The following PPP1R9A variants were observed in gnomAD, a reference collection of about 807,000 sequenced individuals.
PPP1R9A encodes protein phosphatase 1 regulatory subunit 9A.
In PPP1R9A, 59 loss-of-function variants were observed where a neutral mutation model predicts 141.9. The observed-to-expected ratio is 0.42, with a 90% CI of 0.34 to 0.52. PPP1R9A has a LOEUF of 0.52. Ranked by LOEUF, PPP1R9A falls within the 20% of genes least tolerant of loss-of-function variation. The probability of loss-of-function intolerance (pLI) is 0.10; values close to 1 mark genes in which losing one functional copy is unlikely to be tolerated. For synonymous variants in PPP1R9A, 500 were observed against 569.7 expected (o/e 0.88, Z 1.74); for missense variants, 1,444 against 1,611.9 (o/e 0.90, Z 1.78).
chr7:95,192,485 A>T (rs1835651940), intron 5 of PPP1R9A, among the ~76,000 whole-genome samples: 1 of 152,096 alleles, frequency 6.6e-6, no homozygotes, highest in African/African-American at 2.4e-5. Context: ...CCAAAGTTTC[A>T]GAACAGTCTA....
intron 12 of PPP1R9A, among the ~76,000 whole-genome samples, chr7:95,268,023 A>C (rs1331029887): frequency 6.6e-6 from 1 of 152,138 alleles, no homozygotes; most frequent in Non-Finnish European, 1.5e-5. Context: ...GATTTTCAGA[A>C]ACTGTTTTGG....
chr7:95,006,863 A>AT (rs1215381838), intron 2 of PPP1R9A, among the ~76,000 whole-genome samples: 1,869 of 143,506 alleles, frequency 0.013, 26 homozygotes, highest in African/African-American at 0.04. Context: ...GGCCATAATA[A>AT]TTTTTTTTTT....
At position 95,034,415 on chromosome 7, in the gene PPP1R9A, G is replaced by A. The variant is rs149425458; in HGVS notation, c.1396-76844G>A. Among the ~76,000 whole-genome samples, 297 of 152,012 alleles carry A rather than the reference G, an allele frequency of 2.0e-3. 1 individual carries two copies. Among genetic ancestry groups the A allele is most frequent in the African/African-American group, 6.8e-3 (283 of 41,464 alleles). ...TTAAGGTGTAAATTTCTCACACATC[G>A]TGTTTTGTCCTTTGTTTCTTTTTTG... On this transcript the variant is annotated intron_variant, in intron 2 of 19. Coordinates refer to ENST00000433360, the MANE Select transcript of PPP1R9A (RefSeq NM_001166160.2).
At chr7:94,972,815 G>A (rs1237976645) in intron 2 of PPP1R9A, among the ~76,000 whole-genome samples, 1 of 152,202 alleles carries the variant, frequency 6.6e-6, no homozygotes, top group Non-Finnish European at 1.5e-5. Context: ...GCCAAGTCAT[G>A]GGACCTGGTA....
chr7:95,246,508 A>C (rs1198801234), intron 8 of PPP1R9A, among the ~76,000 whole-genome samples: 2 of 152,146 alleles, frequency 1.3e-5, no homozygotes, highest in African/African-American at 4.8e-5. Flanking sequence ...CTTAGTGGGA[A>C]TATTCATGTT....
rs1806748213 is a variant in PPP1R9A, at chr7:95,294,162, TC to T, written c.*3861del. The T allele has an allele frequency of 6.6e-6, 1 of 152,156 alleles. No individual in the cohort carries two copies. The highest frequency in any genetic ancestry group is 6.5e-5 in the Admixed American group (1 of 15,280). The allele number at this position is 152,156 out of a possible 1,614,324, so 9.4% of individuals were successfully genotyped here. ...GGTAAAATGGAAGAGAAAAGCACAGTCCTTTCCTGTCTTTTCAAATTTACTT... is the reference window on the plus strand; with the variant it reads ...GGTAAAATGGAAGAGAAAAGCACAGTCTTTCCTGTCTTTTCAAATTTACTT... On this transcript the variant is annotated 3_prime_UTR_variant, in exon 20 of 20. Coordinates refer to ENST00000433360, the MANE Select transcript of PPP1R9A (RefSeq NM_001166160.2).
chr7:95,082,825 G>A (rs1423802025), intron 2 of PPP1R9A, among the ~76,000 whole-genome samples: 1 of 139,762 alleles, frequency 7.2e-6, no homozygotes, highest in Non-Finnish European at 1.5e-5. Context: ...AGGCGAACTC[G>A]GCTCACTGCA....
intron 12 of PPP1R9A, among the ~76,000 whole-genome samples, chr7:95,260,572 G>C (rs964397275): frequency 1.3e-5 from 2 of 151,794 alleles, no homozygotes; most frequent in Non-Finnish European, 2.9e-5. Context: ...CCAGCTACTC[G>C]GGAGGCTGAG....
At chr7:95,162,721 T>A (rs544419582) in intron 5 of PPP1R9A, among the ~76,000 whole-genome samples, 1 of 152,340 alleles carries the variant, frequency 6.6e-6, no homozygotes, top group Admixed American at 6.5e-5. Context: ...GTTCTCATTA[T>A]CAAAATGAAA....
At chr7:95,210,371 A>G (rs967396005) in intron 7 of PPP1R9A, among the ~76,000 whole-genome samples, 1 of 151,872 alleles carries the variant, frequency 6.6e-6, no homozygotes, top group Non-Finnish European at 1.5e-5. Flanking sequence ...TTAATTTGAT[A>G]TTTCTGGTTT....
At chr7:95,190,632 A>T (rs1835359992) in intron 5 of PPP1R9A, among the ~76,000 whole-genome samples, 1 of 152,192 alleles carries the variant, frequency 6.6e-6, no homozygotes, top group South Asian at 2.1e-4. Flanking sequence ...GAGTTGCTGT[A>T]ATGTCCTAAG....
chr7:94,933,219 T>G (rs139413068), intron 2 of PPP1R9A, among the ~76,000 whole-genome samples: 317 of 152,292 alleles, frequency 2.1e-3, no homozygotes, highest in African/African-American at 7.4e-3. Flanking sequence ...ATGATTCCAC[T>G]TGAAATGTGC....
intron 2 of PPP1R9A, among the ~76,000 whole-genome samples, chr7:94,977,423 A>C (rs1563072507): frequency 6.6e-6 from 1 of 152,110 alleles, no homozygotes; most frequent in Non-Finnish European, 1.5e-5. Context: ...TTTCAAGAAA[A>C]TGGGGTGATC....
At chr7:95,079,413 C>T (rs928339145) in intron 2 of PPP1R9A, among the ~76,000 whole-genome samples, 33 of 152,188 alleles carry the variant, frequency 2.2e-4, no homozygotes, top group African/African-American at 7.7e-4. Flanking sequence ...TCTGAATAGA[C>T]CAATAACAGG....
At chr7:95,197,284 A>C (rs2152853022) in intron 5 of PPP1R9A, among the ~76,000 whole-genome samples, 1 of 152,324 alleles carries the variant, frequency 6.6e-6, no homozygotes, top group South Asian at 2.1e-4. Context: ...TATTTTTAGA[A>C]AAACAGAAAC....
intron 10 of PPP1R9A, among the ~76,000 whole-genome samples, chr7:95,251,346 G>A (rs1798847223): frequency 6.6e-6 from 1 of 152,072 alleles, no homozygotes; most frequent in African/African-American, 2.4e-5. Context: ...GTTATTCATA[G>A]AAATCTTACA....
chr7:95,006,257 G>C (rs2151569675), intron 2 of PPP1R9A, among the ~76,000 whole-genome samples: 1 of 150,818 alleles, frequency 6.6e-6, no homozygotes, highest in East Asian at 1.9e-4. Flanking sequence ...TCACTCTTTT[G>C]CCCAGGCTGG....
At chr7:94,920,870 G>T (rs1336277834) in intron 2 of PPP1R9A, among the ~76,000 whole-genome samples, 2 of 152,158 alleles carry the variant, frequency 1.3e-5, no homozygotes, top group African/African-American at 4.8e-5. Context: ...TGAGTGACCT[G>T]CATGTTGAGT....
chr7:95,083,001 C>T (rs546724701), intron 2 of PPP1R9A, among the ~76,000 whole-genome samples: 33 of 151,776 alleles, frequency 2.2e-4, no homozygotes, highest in Non-Finnish European at 3.2e-4. Context: ...ATGATCCGCC[C>T]ACCTCGGCCT....
Sources: gnomAD v4.1 joint callset for allele counts (sites outside exome capture counted in the v4.1 genomes callset) on GRCh38, gnomAD v4.1.1 for gene constraint, MANE v1.5 for transcripts, NCBI Gene and HGNC (gene_info 2026-07-23, HGNC 2026-07-21) for gene names.